Variants in MTA3 observed in about 807,000 individuals in gnomAD.
MTA3 encodes metastasis-associated protein MTA3.
In MTA3, 34 loss-of-function variants were observed where a neutral mutation model predicts 83.5. The observed-to-expected ratio is 0.41, with a 90% CI of 0.31 to 0.54. MTA3 has a LOEUF of 0.54. MTA3 is among the 20% of genes least tolerant of loss of function. The pLI is 0.33. For missense variants in MTA3, 761 were observed against 726.4 expected, an observed-to-expected ratio of 1.05 and a Z score of -0.55; for synonymous variants, 303 against 252.7, an observed-to-expected ratio of 1.20 and a Z score of -1.89.
intron 4 of MTA3, among the ~76,000 whole-genome samples, chr2:42,619,049 T>C (rs953953725): frequency 2.0e-5 from 3 of 152,228 alleles, no homozygotes; most frequent in Admixed American, 2.0e-4. Context: ...GCACCTGTTG[T>C]CATTTTTGCT....
At chr2:42,531,019 G>C (rs1361281600) in intron 2 of MTA3, among the ~76,000 whole-genome samples, 2 of 152,126 alleles carry the variant, frequency 1.3e-5, no homozygotes, top group African/African-American at 4.8e-5. Context: ...TAGTAGAGAT[G>C]GCGTCTCGCC....
intron 3 of MTA3, among the ~76,000 whole-genome samples, chr2:42,586,891 C>T (rs1680396378): frequency 6.6e-6 from 1 of 152,168 alleles, no homozygotes; most frequent in Non-Finnish European, 1.5e-5. Flanking sequence ...GGTATGGTGG[C>T]ATGTGCCTAT....
intron 16 of MTA3, among the ~76,000 whole-genome samples, chr2:42,747,326 C>T (rs1406090804): frequency 1.3e-5 from 2 of 152,090 alleles, no homozygotes; most frequent in African/African-American, 2.4e-5. Flanking sequence ...CTTGACCTCT[C>T]TGTGCAGCAT....
Position 42,595,527 on chromosome 2 carries a change from A to G in MTA3, c.191-13931A>G, listed in dbSNP as rs902509863. Among the ~76,000 whole-genome samples the G allele has an allele frequency of 2.0e-5, 3 of 152,198 alleles. No individual in the cohort carries two copies. The East Asian group carries it at 5.8e-4, about 29-fold the overall frequency. ...ATTTGTAGGGGGAAAATAATAAAAGAAACCTTTAGTTACTCCAATAAAGGA... is the reference window on the plus strand; with the variant it reads ...ATTTGTAGGGGGAAAATAATAAAAGGAACCTTTAGTTACTCCAATAAAGGA... On this transcript the variant is annotated intron_variant, in intron 3 of 16. Coordinates refer to ENST00000405094, the MANE Select transcript of MTA3 (RefSeq NM_001330442.2).
At chr2:42,647,297 C>G (rs1271921553) in intron 6 of MTA3, among the ~76,000 whole-genome samples, 1 of 151,856 alleles carries the variant, frequency 6.6e-6, no homozygotes, top group Non-Finnish European at 1.5e-5. Flanking sequence ...AATCTTGGCT[C>G]ACTGCAGCTT....
At chr2:42,656,629 A>G (rs889063602) in intron 7 of MTA3, among the ~76,000 whole-genome samples, 17 of 152,188 alleles carry the variant, frequency 1.1e-4, no homozygotes, top group Non-Finnish European at 1.9e-4. Context: ...TACTCTAGAC[A>G]TGGATTATTC....
At position 42,619,038 on chromosome 2, in the gene MTA3, T is replaced by G. The variant is rs375442910; in HGVS notation, c.317+9454T>G. Reference sequence around the variant, plus strand: ...ATGTTAAGTAATGCTTATTCTTCAGTGCACCTGTTGTCATTTTTGCTTGTT... The same window carrying G: ...ATGTTAAGTAATGCTTATTCTTCAGGGCACCTGTTGTCATTTTTGCTTGTT... On this transcript the variant is annotated intron_variant, in intron 4 of 16. Coordinates refer to ENST00000405094, the MANE Select transcript of MTA3 (RefSeq NM_001330442.2). 1.9e-4 allele frequency among the ~76,000 whole-genome samples: 29 copies of G among 152,356 alleles called. No homozygotes were observed. The South Asian group carries it at 6.0e-3, about 32-fold the overall frequency.
intron 2 of MTA3, among the ~76,000 whole-genome samples, chr2:42,498,811 A>C (rs1674263451): frequency 6.6e-6 from 1 of 152,160 alleles, no homozygotes; most frequent in Admixed American, 6.6e-5. Flanking sequence ...ACAGAATTGA[A>C]AACTCCTATT....
intron 2 of MTA3, among the ~76,000 whole-genome samples, chr2:42,549,999 T>C (rs1677043088): frequency 6.6e-6 from 1 of 151,986 alleles, no homozygotes; most frequent in African/African-American, 2.4e-5. Flanking sequence ...GGAACACTTA[T>C]TTTACCTAAT....
chr2:42,633,991 G>C (rs893722622), intron 4 of MTA3, among the ~76,000 whole-genome samples: 16 of 152,144 alleles, frequency 1.1e-4, no homozygotes, highest in African/African-American at 3.9e-4. Context: ...GTAGAACAGT[G>C]ATTCTCAACC....
chr2:42,699,146 A>G (rs1693638531), intron 11 of MTA3, among the ~76,000 whole-genome samples: 1 of 152,166 alleles, frequency 6.6e-6, no homozygotes, highest in South Asian at 2.1e-4. Context: ...TCAACAAACT[A>G]TAGTCGCAAG....
At chr2:42,718,508 A>G (rs1350249769) in intron 14 of MTA3, among the ~76,000 whole-genome samples, 2 of 151,654 alleles carry the variant, frequency 1.3e-5, no homozygotes, top group African/African-American at 4.8e-5. Flanking sequence ...GGCCTCCCAA[A>G]GTGCTGGGAT....
intron 9 of MTA3, among the ~76,000 whole-genome samples, chr2:42,688,873 A>C (rs1302369212): frequency 6.6e-6 from 1 of 152,136 alleles, no homozygotes; most frequent in African/African-American, 2.4e-5. Context: ...TGTTCAAAAG[A>C]AGTGATAAGA....
rs373823285 is a variant in MTA3 at position 42,756,417 on chromosome 2, C to G, written c.*3018C>G. The G allele has an allele frequency of 1.0e-6, 1 of 972,404 alleles. No homozygotes were observed. Among genetic ancestry groups the G allele is most frequent in the Non-Finnish European group, 1.2e-6 (1 of 818,182 alleles). The allele number at this position is 972,404 out of a possible 1,614,324, so 60.2% of individuals were successfully genotyped here. On this transcript the variant is annotated 3_prime_UTR_variant, in exon 17 of 17. Coordinates refer to ENST00000405094, the MANE Select transcript of MTA3 (RefSeq NM_001330442.2). ...TGGGAGCCTGGGACAGGCGACCCAC[C>G]GGGTCAGTCCCCTGCCACTCAGAGC...
chr2:42,628,246 T>TTTATTTA (rs751648421), intron 4 of MTA3, among the ~76,000 whole-genome samples: 17 of 73,368 alleles, frequency 2.3e-4, no homozygotes, highest in Non-Finnish European at 4.4e-4. Context: ...TTATTTATTT[T>TTTATTTA]TGAGATGGAG....
intron 3 of MTA3, among the ~76,000 whole-genome samples, chr2:42,586,533 A>G (rs1680326988): frequency 8.8e-6 from 1 of 113,604 alleles, no homozygotes; most frequent in African/African-American, 3.4e-5. Flanking sequence ...AAGGAAGGAA[A>G]AACACACACA....
chr2:42,575,818 T>TCCTTTA (rs769547703), intron 2 of MTA3, among the ~76,000 whole-genome samples: 1 of 152,200 alleles, frequency 6.6e-6, no homozygotes, highest in Non-Finnish European at 1.5e-5. Flanking sequence ...TATTTCACAC[T>TCCTTTA]CCTTTATCAT....
chr2:42,696,136 T>C (rs1693371254), intron 10 of MTA3, among the ~76,000 whole-genome samples: 1 of 152,212 alleles, frequency 6.6e-6, no homozygotes, highest in African/African-American at 2.4e-5. Context: ...TGATCAAAGA[T>C]GTGATGCTAA....
intron 6 of MTA3, among the ~76,000 whole-genome samples, chr2:42,655,463 T>C (rs1050619541): frequency 1.1e-4 from 16 of 152,232 alleles, no homozygotes; most frequent in African/African-American, 3.9e-4. Flanking sequence ...CTTCATGATA[T>C]TGTTTCTTAC....
Sources: gnomAD v4.1 joint callset for allele counts (sites outside exome capture counted in the v4.1 genomes callset) on GRCh38, gnomAD v4.1.1 for gene constraint, MANE v1.5 for transcripts, NCBI Gene and HGNC (gene_info 2026-07-23, HGNC 2026-07-21) for gene names.